The following ADAMTSL1 variants were observed in gnomAD, a reference collection of about 807,000 sequenced individuals.
ADAMTSL1 encodes the protein ADAMTS like 1.
ADAMTSL1 carries 126 observed loss-of-function variants against 201.8 expected under a neutral mutation model. The observed-to-expected ratio is 0.62, with a 90% CI of 0.54 to 0.72. ADAMTSL1 has a LOEUF of 0.72. Among genes scored for constraint, ADAMTSL1 ranks in the 30% least tolerant of loss-of-function variants. The pLI, the probability that ADAMTSL1 is intolerant of heterozygous loss-of-function variation, is 0.00. For missense variants in ADAMTSL1, 2,679 were observed against 2,277.8 expected (o/e 1.18, Z -3.59); for synonymous variants, 1,121 against 903.4 (o/e 1.24, Z -4.32).
chr9:18,639,212 T>G (rs773607256), intron 6 of ADAMTSL1, 42 bp from the exon 7 acceptor site: 9 of 1,605,944 alleles, frequency 5.6e-6, no homozygotes, highest in Admixed American at 1.7e-5. Flanking sequence ...GTGGTTGCCC[T>G]AGGAACATCT....
intron 14 of ADAMTSL1, among the ~76,000 whole-genome samples, chr9:18,717,014 C>G (rs1288870818): frequency 7.1e-6 from 1 of 141,502 alleles, no homozygotes; most frequent in Middle Eastern, 3.5e-3. Context: ...CATATTCTCA[C>G]TCATAGGTGG....
chr9:17,921,623 A>G (rs547367262), intron 1 of ADAMTSL1, among the ~76,000 whole-genome samples: 2 of 152,136 alleles, frequency 1.3e-5, no homozygotes, highest in Non-Finnish European at 2.9e-5. Context: ...TATGAGGCAC[A>G]CTTTTCAGAG....
chr9:18,573,179 C>G (rs1490749939), intron 3 of ADAMTSL1: 1 of 152,796 alleles, frequency 6.5e-6, no homozygotes, highest in Non-Finnish European at 1.5e-5. Flanking sequence ...TCCTCATACT[C>G]CATCCCTTTG....
chr9:18,646,453 T>A (rs1464055174), intron 7 of ADAMTSL1, among the ~76,000 whole-genome samples: 2 of 151,830 alleles, frequency 1.3e-5, no homozygotes, highest in African/African-American at 4.8e-5. Context: ...AGAGAGGGCA[T>A]CCCTGTCTTG....
At position 18,279,314 on chromosome 9, in the gene ADAMTSL1, TA is replaced by T. The variant is rs113529580; in HGVS notation, c.207+115343del. Among the ~76,000 whole-genome samples, 1,362 of 150,376 alleles carry T rather than the reference TA, an allele frequency of 9.1e-3. 19 individuals carry two copies. Among genetic ancestry groups the T allele is most frequent in the African/African-American group, 0.031 (1,288 of 41,136 alleles). On this transcript the variant is annotated intron_variant, in intron 2 of 29. Transcript: ENST00000680146. ...TACATGTTTTATTCATATTTGGTTT[TA>T]AAAAAAAAATCTGTGCAGGTGGACC...
intron 1 of ADAMTSL1, among the ~76,000 whole-genome samples, chr9:18,017,182 A>G (rs1271425771): frequency 1.3e-5 from 2 of 152,010 alleles, no homozygotes; most frequent in Non-Finnish European, 2.9e-5. Flanking sequence ...TTCATGCCCA[A>G]TATCTTGTTC....
intron 7 of ADAMTSL1, among the ~76,000 whole-genome samples, chr9:18,643,432 T>C (rs1827574324): frequency 6.6e-6 from 1 of 152,046 alleles, no homozygotes; most frequent in Non-Finnish European, 1.5e-5. Context: ...TGTAATCCCA[T>C]TTATCTATTT....
At chr9:17,946,618 T>C (rs75058110) in intron 1 of ADAMTSL1, among the ~76,000 whole-genome samples, 1 of 152,120 alleles carries the variant, frequency 6.6e-6, no homozygotes, top group African/African-American at 2.4e-5. Flanking sequence ...ATAGGAATTC[T>C]TTAGGAATTC....
At position 18,807,045 on chromosome 9, in the gene ADAMTSL1, G is replaced by A. The variant is rs148698097; in HGVS notation, c.3806-10064G>A. 1.1e-4 allele frequency among the ~76,000 whole-genome samples: 16 copies of A among 152,298 alleles called. No homozygotes were observed. The East Asian group carries it at 2.5e-3, about 24-fold the overall frequency. The stretch of plus-strand genomic sequence containing the variant: ...GGGTACAATGAGGTCTGAAGGAACC[G>A]TGCAAAAATGATTCTTGTAATGCTT... On this transcript the variant is annotated intron_variant, in intron 20 of 28. Transcript: ENST00000380548.
chr9:18,051,841 CA>C (rs1012360035), intron 1 of ADAMTSL1, among the ~76,000 whole-genome samples: 8 of 151,662 alleles, frequency 5.3e-5, no homozygotes, highest in South Asian at 2.1e-4. Flanking sequence ...GCTGAGTAGA[CA>C]AAAAAAAGTA....
intron 26 of ADAMTSL1, among the ~76,000 whole-genome samples, chr9:18,893,394 A>C (rs1198257227): frequency 6.6e-6 from 1 of 152,166 alleles, no homozygotes; most frequent in Non-Finnish European, 1.5e-5. Flanking sequence ...TAACAGAGAG[A>C]AAAATACATA....
At chr9:18,013,857 G>A (rs1297363396) in intron 1 of ADAMTSL1, among the ~76,000 whole-genome samples, 1 of 151,936 alleles carries the variant, frequency 6.6e-6, no homozygotes, top group Non-Finnish European at 1.5e-5. Flanking sequence ...TTATTAAAAT[G>A]CTGTGATCAA....
In ADAMTSL1 at chr9:18,672,965, T is replaced by C. The variant is rs78717501; in HGVS notation, c.1086-2892T>C. On this transcript the variant is annotated intron_variant, in intron 9 of 28. Transcript: ENST00000380548. ...TTACTGCCCAGTGTAAGAGAAACAA[T>C]GTAAGAACTGTGTGCCTGGTGGTCA... Among the ~76,000 whole-genome samples, 1,001 of 152,298 alleles carry C rather than the reference T, an allele frequency of 6.6e-3. 13 individuals carry two copies. Among genetic ancestry groups the C allele is most frequent in the African/African-American group, 0.023 (947 of 41,570 alleles).
intron 8 of ADAMTSL1, among the ~76,000 whole-genome samples, chr9:18,658,443 A>G (rs920244000): frequency 2.6e-5 from 4 of 152,240 alleles, no homozygotes; most frequent in Admixed American, 6.5e-5. Flanking sequence ...AAGAGTGTTT[A>G]TCAGGCTTAC....
At chr9:18,337,207 G>A (rs569588952) in intron 2 of ADAMTSL1, among the ~76,000 whole-genome samples, 25 of 152,262 alleles carry the variant, frequency 1.6e-4, no homozygotes, top group African/African-American at 5.8e-4. Context: ...CAGACTGGCT[G>A]AGTCTTCCAG....
intron 4 of ADAMTSL1, among the ~76,000 whole-genome samples, chr9:18,574,938 C>G (rs1383507286): frequency 6.6e-6 from 1 of 152,074 alleles, no homozygotes; most frequent in African/African-American, 2.4e-5. Flanking sequence ...ATTTTCAGGT[C>G]CACTTTTTGG....
intron 1 of ADAMTSL1, among the ~76,000 whole-genome samples, chr9:18,114,316 A>G (rs1825158738): frequency 6.6e-6 from 1 of 152,180 alleles, no homozygotes; most frequent in African/African-American, 2.4e-5. Flanking sequence ...TGCAAACCAA[A>G]CAGCTTAATC....
At chr9:17,989,316 T>G (rs1380673998) in intron 1 of ADAMTSL1, among the ~76,000 whole-genome samples, 4 of 151,948 alleles carry the variant, frequency 2.6e-5, no homozygotes, top group Non-Finnish European at 5.9e-5. Flanking sequence ...TAACTTTATT[T>G]ATTTAATATT....
intron 1 of ADAMTSL1, among the ~76,000 whole-genome samples, chr9:18,143,617 C>T (rs978726639): frequency 3.3e-5 from 5 of 152,068 alleles, no homozygotes; most frequent in African/African-American, 1.2e-4. Flanking sequence ...ATAGATGGGT[C>T]CCCATTCCTG....
Sources: gnomAD v4.1 joint callset for allele counts (sites outside exome capture counted in the v4.1 genomes callset) on GRCh38, gnomAD v4.1.1 for gene constraint, MANE v1.5 for transcripts, NCBI Gene and HGNC (gene_info 2026-07-23, HGNC 2026-07-21) for gene names.